Variants in IL1RAPL2 observed in about 807,000 individuals in gnomAD.
IL1RAPL2 encodes interleukin 1 receptor accessory protein like 2.
A neutral mutation model predicts 44.1 loss-of-function variants in IL1RAPL2; 3 were observed. The observed-to-expected ratio is 0.07, with a 90% CI of 0.03 to 0.18. The LOEUF (loss-of-function observed/expected upper bound fraction) is 0.18, where lower values mean the gene tolerates loss of function less well. Ranked by LOEUF, IL1RAPL2 falls within the 10% of genes least tolerant of loss-of-function variation. The pLI, the probability that IL1RAPL2 is intolerant of heterozygous loss-of-function variation, is 1.00. For missense variants in IL1RAPL2, 391 were observed against 496.4 expected (o/e 0.79, Z 2.02); for synonymous variants, 181 against 178.8 (o/e 1.01, Z -0.10).
chrX:104,607,865 A>C (rs1034210814), intron 1 of IL1RAPL2, among the ~76,000 whole-genome samples: 10 of 112,125 alleles, frequency 8.9e-5, no homozygotes, highest in Admixed American at 5.7e-4. Flanking sequence ...TTGACCCAGC[A>C]ATCCCATTAC....
intron 5 of IL1RAPL2, among the ~76,000 whole-genome samples, chrX:105,440,447 CA>C (rs559806789): frequency 1.8e-5 from 2 of 111,860 alleles, no homozygotes; most frequent in South Asian, 3.7e-4. Context: ...GGAACTCTGA[CA>C]AAAGGATGTC....
intron 2 of IL1RAPL2, among the ~76,000 whole-genome samples, chrX:104,965,258 A>G (rs2030097301): frequency 9.0e-6 from 1 of 111,563 alleles, no homozygotes; most frequent in African/African-American, 3.3e-5. Context: ...AGGTATATAT[A>G]TGGCCAAGAA....
chrX:105,676,520 G>A (rs1199300296), intron 6 of IL1RAPL2, among the ~76,000 whole-genome samples: 2 of 111,515 alleles, frequency 1.8e-5, no homozygotes, highest in Non-Finnish European at 3.8e-5. Context: ...CTATACACAG[G>A]AAAGCAAGAT....
At chrX:104,674,774 A>C (rs561514152) in intron 2 of IL1RAPL2, among the ~76,000 whole-genome samples, 5,608 of 109,930 alleles carry the variant, frequency 0.051, 412 homozygotes, top group African/African-American at 0.18. Context: ...ACAATTTCAG[A>C]TCCTGTTATT....
intron 6 of IL1RAPL2, among the ~76,000 whole-genome samples, chrX:105,627,228 T>C (rs754390520): frequency 1.3e-4 from 14 of 111,691 alleles, no homozygotes; most frequent in Non-Finnish European, 2.6e-4. Flanking sequence ...TAATGGCTTA[T>C]ATTTAAATAT....
chrX:104,678,871 T>G (rs1190523219), intron 2 of IL1RAPL2, among the ~76,000 whole-genome samples: 2 of 110,943 alleles, frequency 1.8e-5, no homozygotes, highest in Admixed American at 1.9e-4. Context: ...ACACCTAATG[T>G]AGATGACAGG....
intron 6 of IL1RAPL2, among the ~76,000 whole-genome samples, chrX:105,508,668 CTT>C (rs770575995): frequency 2.0e-5 from 2 of 100,334 alleles, no homozygotes; most frequent in Admixed American, 1.1e-4. Flanking sequence ...AAAATGAAAG[CTT>C]TTTTTTTTTT....
chrX:105,722,627 T>C (rs982666878), intron 7 of IL1RAPL2, among the ~76,000 whole-genome samples: 8 of 112,200 alleles, frequency 7.1e-5, no homozygotes, highest in African/African-American at 2.3e-4. Flanking sequence ...AATTTTTAAT[T>C]AGGGGATTCC....
chrX:105,484,399 C>T lies in IL1RAPL2; in HGVS notation c.772+12C>T, dbSNP rs1268196674. On this transcript the variant is annotated intron_variant, in intron 6 of 10. Coordinates refer to ENST00000372582, the MANE Select transcript of IL1RAPL2 (RefSeq NM_017416.2). ...AGATGTCCAGCTGGGTAAGTCCCCT[C>T]CTTGGAATAACACTTCCTAAACTTG... 4 of 1,135,600 alleles carry T rather than the reference C, an allele frequency of 3.5e-6. No homozygotes were observed. The African/African-American group carries it at 5.4e-5, about 15-fold the overall frequency. The allele number at this position is 1,135,600 out of a possible 1,213,427, so 93.6% of individuals were successfully genotyped here.
At chrX:105,634,283 A>C (rs143687934) in intron 6 of IL1RAPL2, among the ~76,000 whole-genome samples, 1,902 of 111,024 alleles carry the variant, frequency 0.017, 35 homozygotes, top group African/African-American at 0.059. Context: ...TGCTCTCATT[A>C]ACTCTAAGAC....
chrX:104,962,550 G>A (rs1047514700), intron 2 of IL1RAPL2, among the ~76,000 whole-genome samples: 2 of 111,894 alleles, frequency 1.8e-5, no homozygotes, highest in African/African-American at 3.3e-5. Context: ...CTAAATGTGC[G>A]TAGCTAAAGG....
At chrX:105,313,598 C>G (rs1017092266) in intron 5 of IL1RAPL2, among the ~76,000 whole-genome samples, 1 of 111,651 alleles carries the variant, frequency 9.0e-6, no homozygotes, top group Non-Finnish European at 1.9e-5. Context: ...GTTTATTCTT[C>G]CATGTCATGC....
chrX:105,263,127 C>T (rs1161375651), intron 4 of IL1RAPL2, among the ~76,000 whole-genome samples: 1 of 110,421 alleles, frequency 9.1e-6, no homozygotes, highest in Non-Finnish European at 1.9e-5. Context: ...TCATGTGATC[C>T]ACCCGCCTCG....
chrX:104,950,484 T>C (rs1448512709), intron 2 of IL1RAPL2, among the ~76,000 whole-genome samples: 3 of 112,532 alleles, frequency 2.7e-5, no homozygotes, highest in African/African-American at 9.7e-5. Flanking sequence ...CTCCTTGAGC[T>C]GTGGTGGGCT....
At chrX:104,653,657 A>G (rs1930195634) in intron 1 of IL1RAPL2, among the ~76,000 whole-genome samples, 1 of 111,144 alleles carries the variant, frequency 9.0e-6, no homozygotes, top group Non-Finnish European at 1.9e-5. Flanking sequence ...TGAATTTAGG[A>G]TATCAGGTAG....
rs747553723 is a variant in IL1RAPL2, at chrX:105,032,972, A to G, written c.83-162503A>G. The stretch of plus-strand genomic sequence containing the variant: ...TTCTTGTTGAATTGATCCCTTTACC[A>G]TTATGTAATGGCCTTCTTTGTCTCT... On this transcript the variant is annotated intron_variant, in intron 2 of 10. Transcript: ENST00000372582. Among the ~76,000 whole-genome samples, 4 of 111,712 alleles carry G rather than the reference A, an allele frequency of 3.6e-5. No individual in the cohort carries two copies. In the South Asian group the frequency reaches 1.5e-3, roughly 42 times the overall value.
At chrX:105,215,778 T>C (rs1556165178) in intron 3 of IL1RAPL2, among the ~76,000 whole-genome samples, 3 of 111,620 alleles carry the variant, frequency 2.7e-5, no homozygotes, top group African/African-American at 9.8e-5. Context: ...CAAGTCAGCT[T>C]TATCCCTGGG....
chrX:105,243,589 A>G (rs868989122), intron 4 of IL1RAPL2, among the ~76,000 whole-genome samples: 17 of 79,492 alleles, frequency 2.1e-4, no homozygotes, highest in Admixed American at 8.5e-4. Context: ...ATATATGTGT[A>G]TATATATATA....
chrX:105,075,008 C>T (rs1251320604), intron 2 of IL1RAPL2, among the ~76,000 whole-genome samples: 1 of 111,369 alleles, frequency 9.0e-6, no homozygotes, highest in Non-Finnish European at 1.9e-5. Context: ...TTGACTTCCT[C>T]TTTTCCTAAA....
Sources: allele counts gnomAD v4.1 joint callset (sites outside exome capture counted in the v4.1 genomes callset), GRCh38; gene constraint gnomAD v4.1.1; transcripts MANE v1.5; gene names NCBI Gene and HGNC (gene_info 2026-07-23, HGNC 2026-07-21).